Variants in A1CF observed in about 807,000 individuals in gnomAD.
A1CF encodes the protein APOBEC1 complementation factor, also known as APOBEC-1 stimulating protein.
A1CF carries 48 observed loss-of-function variants against 68.9 expected under a neutral mutation model. The observed-to-expected ratio is 0.70, with a 90% CI of 0.55 to 0.89. The LOEUF (loss-of-function observed/expected upper bound fraction) is 0.89. Ranked by LOEUF, A1CF falls within the 40% of genes least tolerant of loss-of-function variation. A1CF has a pLI of 0.00. For missense variants in A1CF, 653 were observed against 718.9 expected (o/e 0.91, Z 1.05); for synonymous variants, 272 against 260.4 (o/e 1.04, Z -0.43).
At chr10:50,835,934 G>T in intron 6 of A1CF, 140 bp downstream of exon 6, 1 of 772,132 alleles carries the variant, frequency 1.3e-6, no homozygotes, top group East Asian at 2.6e-5. Flanking sequence ...GGAATCAACT[G>T]TGAGACAGTG....
chr10:50,814,453 T>C (rs1838273320), intron 9 of A1CF, among the ~76,000 whole-genome samples: 1 of 152,192 alleles, frequency 6.6e-6, no homozygotes, highest in Non-Finnish European at 1.5e-5. Context: ...AAATCAGTCT[T>C]GCATAGAGAC....
chr10:50,814,294 C>T lies in A1CF; in HGVS notation c.1142-256G>A, dbSNP rs1838265217. On this transcript the variant is annotated intron_variant, in intron 9 of 12. Transcript: ENST00000373997. ...AACAATGCCATTGATAAATACAATACTATTGATAAGTACACAAACAACTTA... is the reference window on the plus strand; with the variant it reads ...AACAATGCCATTGATAAATACAATATTATTGATAAGTACACAAACAACTTA... Among the ~76,000 whole-genome samples, 3 of 152,096 alleles carry T rather than the reference C, an allele frequency of 2.0e-5. No homozygotes were observed. In the South Asian group the frequency reaches 6.2e-4, roughly 31 times the overall value.
At chr10:50,831,222 C>T (rs1427104654) in intron 6 of A1CF, among the ~76,000 whole-genome samples, 1 of 152,110 alleles carries the variant, frequency 6.6e-6, no homozygotes, top group Admixed American at 6.6e-5. Context: ...GGCTATAACC[C>T]CCAAAGCACA....
intron 10 of A1CF, 108 bp downstream of exon 10, chr10:50,813,749 G>GA (rs545323261): frequency 8.0e-5 from 94 of 1,181,452 alleles, no homozygotes; most frequent in South Asian, 2.7e-4. Flanking sequence ...TATATTAAAA[G>GA]AAAAAAACCC....
intron 5 of A1CF, among the ~76,000 whole-genome samples, chr10:50,838,512 ATATTT>A (rs1419291915): frequency 6.6e-6 from 1 of 152,146 alleles, no homozygotes; most frequent in Non-Finnish European, 1.5e-5. Context: ...CTAGAATTCC[ATATTT>A]TATTTTTAAA....
chr10:50,845,691 T>C (rs972831344), intron 3 of A1CF, among the ~76,000 whole-genome samples: 4 of 152,176 alleles, frequency 2.6e-5, no homozygotes, highest in African/African-American at 9.6e-5. Flanking sequence ...TGGTGGCTTA[T>C]GCCTGTAATC....
chr10:50,875,534 T>A (rs1458811890), intron 1 of A1CF, among the ~76,000 whole-genome samples: 1 of 152,170 alleles, frequency 6.6e-6, no homozygotes, highest in Non-Finnish European at 1.5e-5. Context: ...GCCTGAGCAG[T>A]TCTGTGAATT....
chr10:50,884,877 C>CA (rs919336149), intron 1 of A1CF, among the ~76,000 whole-genome samples: 5 of 151,768 alleles, frequency 3.3e-5, no homozygotes, highest in South Asian at 2.1e-4. Context: ...TTGGAGTACA[C>CA]AAAAAAAATA....
chr10:50,848,244 A>G (rs1840086512), intron 3 of A1CF, among the ~76,000 whole-genome samples: 1 of 152,240 alleles, frequency 6.6e-6, no homozygotes, highest in Non-Finnish European at 1.5e-5. Context: ...TCATTTTTAC[A>G]TTAACACAAT....
intron 7 of A1CF, chr10:50,822,732 T>C (rs1838736095): frequency 6.6e-6 from 1 of 152,242 alleles, no homozygotes; most frequent in African/African-American, 2.4e-5. Context: ...CAATATAGTC[T>C]CTTCATTCCT....
At chr10:50,861,697 A>G (rs1019260202) in intron 2 of A1CF, among the ~76,000 whole-genome samples, 3 of 147,932 alleles carry the variant, frequency 2.0e-5, no homozygotes, top group African/African-American at 7.3e-5. Context: ...ATATAGTAAT[A>G]GTAGTAGCAA....
Position 50,868,631 on chromosome 10 carries a change from A to C in A1CF, c.-93-4551T>G, listed in dbSNP as rs536182479. ...ATATTAATTTGGAACTTGTCAATTT[A>C]AGCCAAGACAAGGCTTAAATTAAAG... is the stretch of plus-strand genomic sequence containing the variant. On this transcript the variant is annotated intron_variant, in intron 1 of 12. Transcript: ENST00000373997. 1.3e-3 allele frequency among the ~76,000 whole-genome samples: 192 copies of C among 152,346 alleles called. 1 individual carries two copies. The Middle Eastern group carries it at 0.024, about 19-fold the overall frequency.
At chr10:50,852,115 T>C (rs1840275043) in intron 3 of A1CF, among the ~76,000 whole-genome samples, 1 of 152,238 alleles carries the variant, frequency 6.6e-6, no homozygotes, top group South Asian at 2.1e-4. Context: ...ATTTGGGTCA[T>C]GAGGTCACAC....
chr10:50,824,834 T>A lies in A1CF; in HGVS notation c.769+3297A>T, dbSNP rs1039427390. ...ACTTAACTACTCTGGGTCCTGTTTT[T>A]CTTATCTAGAAAGTAATGGAATGAA... On this transcript the variant is annotated intron_variant, in intron 7 of 12. Coordinates refer to ENST00000373997, the MANE Select transcript of A1CF (RefSeq NM_014576.4). Among the ~76,000 whole-genome samples the A allele has an allele frequency of 5.9e-5, 9 of 152,208 alleles. No individual in the cohort carries two copies. In the East Asian group the frequency reaches 1.7e-3, roughly 29 times the overall value.
intron 1 of A1CF, among the ~76,000 whole-genome samples, chr10:50,869,716 A>C (rs1841160695): frequency 1.3e-5 from 2 of 152,160 alleles, no homozygotes; most frequent in Admixed American, 1.3e-4. Flanking sequence ...CTTGTGAAAT[A>C]TAATAAAGTA....
At chr10:50,852,978 C>T (rs1840318110) in intron 3 of A1CF, among the ~76,000 whole-genome samples, 1 of 152,108 alleles carries the variant, frequency 6.6e-6, no homozygotes, top group Non-Finnish European at 1.5e-5. Flanking sequence ...TGATCTAGCT[C>T]CATTCTTTGT....
chr10:50,878,602 T>C (rs555129724), intron 1 of A1CF, among the ~76,000 whole-genome samples: 5 of 152,330 alleles, frequency 3.3e-5, no homozygotes, highest in African/African-American at 9.6e-5. Context: ...CTTTGGATCA[T>C]TGGGCTTTAG....
intron 6 of A1CF, among the ~76,000 whole-genome samples, chr10:50,831,837 C>T (rs1839261577): frequency 6.6e-6 from 1 of 152,140 alleles, no homozygotes; most frequent in Non-Finnish European, 1.5e-5. Flanking sequence ...CTCTAATCAT[C>T]AGGCAAATAT....
intron 5 of A1CF, among the ~76,000 whole-genome samples, chr10:50,840,805 C>T (rs1217811544): frequency 6.6e-6 from 1 of 152,158 alleles, no homozygotes; most frequent in Non-Finnish European, 1.5e-5. Flanking sequence ...TGTAAAGTGC[C>T]CTAAAAGGTC....
Sources: gnomAD v4.1 joint callset for allele counts (sites outside exome capture counted in the v4.1 genomes callset) on GRCh38, gnomAD v4.1.1 for gene constraint, MANE v1.5 for transcripts, NCBI Gene and HGNC (gene_info 2026-07-23, HGNC 2026-07-21) for gene names.